MAST4: variants seen among roughly 807,000 people sequenced by gnomAD.
MAST4 encodes microtubule-associated serine/threonine-protein kinase 4.
A neutral mutation model predicts 162.7 loss-of-function variants in MAST4; 89 were observed. The ratio of observed to expected loss-of-function variants is 0.55; its 90% CI spans 0.46 to 0.65. MAST4 has a LOEUF of 0.65. Among genes scored for constraint, MAST4 ranks in the 30% least tolerant of loss-of-function variants. The pLI is 0.00. For synonymous variants in MAST4, 1,479 were observed against 1,361.1 expected, an observed-to-expected ratio of 1.09 and a Z score of -1.91; for missense variants, 3,153 against 3,374.0, an observed-to-expected ratio of 0.93 and a Z score of 1.62.
intron 26 of MAST4, 21 bp downstream of exon 26, chr5:67,153,601 G>T: frequency 6.5e-7 from 1 of 1,550,304 alleles, no homozygotes; most frequent in Middle Eastern, 1.7e-4. Context: ...TTTTATGTCA[G>T]GGCCATGCTG....
intron 27 of MAST4, 131 bp from the exon 28 acceptor site, chr5:67,162,476 G>A: frequency 1.4e-6 from 1 of 728,054 alleles, no homozygotes; most frequent in South Asian, 1.9e-5. Flanking sequence ...GTGGTGTTCT[G>A]CTCTTTAATA....
At chr5:67,139,559 A>G (rs565617478) in intron 19 of MAST4, among the ~76,000 whole-genome samples, 7 of 152,336 alleles carry the variant, frequency 4.6e-5, no homozygotes, top group African/African-American at 7.2e-5. Flanking sequence ...TTCCTAGTCT[A>G]TGGAAATGGG....
intron 1 of MAST4, among the ~76,000 whole-genome samples, chr5:66,706,441 G>A (rs1049571241): frequency 6.6e-6 from 1 of 151,782 alleles, no homozygotes; most frequent in Non-Finnish European, 1.5e-5. Flanking sequence ...AGAAGAAGAG[G>A]CAGTATTTGA....
At chr5:66,985,560 C>A (rs1749385932) in intron 4 of MAST4, among the ~76,000 whole-genome samples, 1 of 152,068 alleles carries the variant, frequency 6.6e-6, no homozygotes, top group Non-Finnish European at 1.5e-5. Context: ...GAGCAGTAGG[C>A]CTGGAATGAT....
chr5:66,927,084 C>T (rs1190575449), intron 4 of MAST4, among the ~76,000 whole-genome samples: 4 of 151,970 alleles, frequency 2.6e-5, no homozygotes, highest in Non-Finnish European at 4.4e-5. Flanking sequence ...GTGAGATTTC[C>T]TCTCGTTTTC....
chr5:67,008,019 A>G (rs1752244215), intron 4 of MAST4, among the ~76,000 whole-genome samples: 1 of 152,172 alleles, frequency 6.6e-6, no homozygotes, highest in African/African-American at 2.4e-5. Context: ...ACCATGGCAG[A>G]CATGAGATTG....
chr5:67,096,359 C>T (rs1764471643), intron 7 of MAST4, among the ~76,000 whole-genome samples: 1 of 152,140 alleles, frequency 6.6e-6, no homozygotes, highest in African/African-American at 2.4e-5. Flanking sequence ...TGTGGGATAA[C>T]TGTATCTGCA....
In MAST4 at chr5:67,166,666, C is replaced by T; in HGVS notation, c.7487C>T (p.Ala2496Val). 2 of 1,597,168 alleles carry T rather than the reference C, an allele frequency of 1.3e-6. No individual in the cohort carries two copies. Among genetic ancestry groups the T allele is most frequent in the South Asian group, 1.1e-5 (1 of 88,186 alleles). ...GCCGGGGGCATGCTGGAGCTTCCAG[C>T]CCCCAGCAACAGGGACCATAGGAAG... ...KAAGGMLELP[A>V]PSNRDHRKAQ... Residue 2496 changes from alanine (A) to valine (V), a missense_variant, in exon 29 of 29, where the codon GCC (alanine) becomes GTC (valine). This residue lies in a region of MAST4 where 1,644 missense variants were observed against 1,495.0 expected (regional missense o/e 1.10). Coordinates refer to ENST00000403625, the MANE Select transcript of MAST4 (RefSeq NM_001164664.2).
At chr5:67,088,535 TGAG>T (rs1481179903) in intron 5 of MAST4, among the ~76,000 whole-genome samples, 1 of 152,128 alleles carries the variant, frequency 6.6e-6, no homozygotes, top group African/African-American at 2.4e-5. Context: ...TAAAGGAATA[TGAG>T]GAGAAGTATA....
intron 4 of MAST4, among the ~76,000 whole-genome samples, chr5:67,030,836 A>T (rs997373836): frequency 1.3e-5 from 2 of 152,134 alleles, no homozygotes; most frequent in South Asian, 4.1e-4. Context: ...TTTATTTAGT[A>T]TTTTAGTGCA....
chr5:66,832,962 G>A (rs560752680), intron 3 of MAST4, among the ~76,000 whole-genome samples: 2 of 152,236 alleles, frequency 1.3e-5, no homozygotes, highest in Non-Finnish European at 1.5e-5. Context: ...CCATATCCGA[G>A]TGGTGTTTCT....
At chr5:66,808,556 C>A (rs1948840081) in intron 3 of MAST4, among the ~76,000 whole-genome samples, 1 of 152,022 alleles carries the variant, frequency 6.6e-6, no homozygotes, top group African/African-American at 2.4e-5. Context: ...TTTTGTTAAC[C>A]TACCTGTTCT....
chr5:67,125,291 T>C (rs1212846482), intron 14 of MAST4, among the ~76,000 whole-genome samples: 1 of 151,902 alleles, frequency 6.6e-6, no homozygotes, highest in Non-Finnish European at 1.5e-5. Context: ...CTGGGGTACA[T>C]GTGCAGAACA....
At chr5:66,615,682 G>A (rs754908207) in intron 1 of MAST4, among the ~76,000 whole-genome samples, 2 of 151,956 alleles carry the variant, frequency 1.3e-5, no homozygotes, top group Non-Finnish European at 2.9e-5. Context: ...GTATGGTGGT[G>A]CATGCCTGTA....
chr5:67,140,874 G>T (rs994796006), intron 19 of MAST4, among the ~76,000 whole-genome samples: 2 of 152,174 alleles, frequency 1.3e-5, no homozygotes, highest in African/African-American at 4.8e-5. Context: ...AGAATATGGG[G>T]TAAAGATTCT....
intron 1 of MAST4, among the ~76,000 whole-genome samples, chr5:66,663,293 T>C (rs1747028427): frequency 6.6e-6 from 1 of 152,216 alleles, no homozygotes; most frequent in Non-Finnish European, 1.5e-5. Flanking sequence ...CATTTATTTT[T>C]TAGGAGTGGT....
At chr5:66,681,424 C>T (rs1237939760) in intron 1 of MAST4, among the ~76,000 whole-genome samples, 4 of 152,182 alleles carry the variant, frequency 2.6e-5, no homozygotes, top group Non-Finnish European at 1.5e-5. Flanking sequence ...CATCAGATCA[C>T]CTGGGGTCCA....
At chr5:66,752,760 C>T (rs1224039950) in intron 1 of MAST4, among the ~76,000 whole-genome samples, 2 of 148,284 alleles carry the variant, frequency 1.3e-5, no homozygotes, top group Admixed American at 6.7e-5. Flanking sequence ...AACAAGGATA[C>T]CCAGGAATTG....
chr5:66,854,669 C>A (rs1336060995), intron 3 of MAST4, among the ~76,000 whole-genome samples: 1 of 151,976 alleles, frequency 6.6e-6, no homozygotes, highest in East Asian at 1.9e-4. Flanking sequence ...GTCTTGTAAC[C>A]TAATCTGGGA....
Sources: gnomAD v4.1 joint callset for allele counts (sites outside exome capture counted in the v4.1 genomes callset) on GRCh38, gnomAD v4.1.1 for gene constraint, gnomAD v4.1.1 regional missense constraint, MANE v1.5 for transcripts, NCBI Gene and HGNC (gene_info 2026-07-23, HGNC 2026-07-21) for gene names.